The following RBMS1 variants were observed in gnomAD, a reference collection of about 807,000 sequenced individuals.
RBMS1 encodes the protein RNA binding motif single stranded interacting protein 1.
RBMS1 carries 17 observed loss-of-function variants against 62.3 expected under a neutral mutation model. That is an observed-to-expected ratio of 0.27 (90% confidence interval 0.19 to 0.41). The LOEUF (loss-of-function observed/expected upper bound fraction) is 0.41, where lower values mean the gene tolerates loss of function less well. Ranked by LOEUF, RBMS1 falls within the 10% of genes least tolerant of loss-of-function variation. RBMS1 has a pLI of 1.00. For synonymous variants in RBMS1, 172 were observed against 170.0 expected (o/e 1.01, Z -0.09); for missense variants, 334 against 504.5 (o/e 0.66, Z 3.24).
At chr2:160,382,793 T>C (rs912515243) in intron 1 of RBMS1, among the ~76,000 whole-genome samples, 1 of 152,216 alleles carries the variant, frequency 6.6e-6, no homozygotes, top group African/African-American at 2.4e-5. Context: ...GATAAAATTC[T>C]TTCAGAAGAA....
chr2:160,411,394 G>C (rs1015441926), intron 1 of RBMS1, among the ~76,000 whole-genome samples: 3 of 152,290 alleles, frequency 2.0e-5, no homozygotes. Context: ...TACTGGCAGC[G>C]GGCAGAGAGT....
intron 1 of RBMS1, among the ~76,000 whole-genome samples, chr2:160,430,718 C>A (rs1207313070): frequency 6.6e-6 from 1 of 152,146 alleles, no homozygotes; most frequent in Non-Finnish European, 1.5e-5. Flanking sequence ...ATGCACACCT[C>A]TAGCTGTGTT....
chr2:160,452,445 T>C (rs1341463257), intron 1 of RBMS1, among the ~76,000 whole-genome samples: 1 of 152,234 alleles, frequency 6.6e-6, no homozygotes. Flanking sequence ...AAATGATCTC[T>C]TAATTACTTA....
At chr2:160,331,931 CTGTGT>C (rs1215233050) in intron 2 of RBMS1, among the ~76,000 whole-genome samples, 3 of 152,124 alleles carry the variant, frequency 2.0e-5, no homozygotes, top group Non-Finnish European at 4.4e-5. Context: ...ATGATCACCA[CTGTGT>C]CAGCAGAAAA....
intron 1 of RBMS1, among the ~76,000 whole-genome samples, chr2:160,372,120 T>C (rs537965836): frequency 1.3e-5 from 2 of 152,310 alleles, no homozygotes; most frequent in African/African-American, 4.8e-5. Context: ...ATTTCCTTCC[T>C]ATTACTAATA....
At chr2:160,458,296 G>A (rs1253321071) in intron 1 of RBMS1, among the ~76,000 whole-genome samples, 1 of 152,116 alleles carries the variant, frequency 6.6e-6, no homozygotes, top group East Asian at 1.9e-4. Flanking sequence ...AACAGATCCA[G>A]AAACTTGCCA....
intron 4 of RBMS1, 21 bp from the exon 5 acceptor site, chr2:160,303,508 G>T (rs762629874): frequency 1.3e-6 from 2 of 1,583,318 alleles, no homozygotes; most frequent in African/African-American, 2.7e-5. Context: ...AGAGAGTGTT[G>T]TCCATTAATT....
At chr2:160,469,450 G>A (rs1293870816) in intron 1 of RBMS1, among the ~76,000 whole-genome samples, 1 of 152,160 alleles carries the variant, frequency 6.6e-6, no homozygotes, top group Non-Finnish European at 1.5e-5. Flanking sequence ...ACTCGGGGCT[G>A]CAGGGCCTTG....
intron 3 of RBMS1, among the ~76,000 whole-genome samples, chr2:160,315,059 G>A (rs536625212): frequency 6.6e-6 from 1 of 152,294 alleles, no homozygotes; most frequent in South Asian, 2.1e-4. Context: ...ACAGTAAACA[G>A]AAGATCTCAA....
In RBMS1 at chr2:160,448,278, ACTCCCCCTCCCC is replaced by A. The variant is rs899534642; in HGVS notation, c.75+44999_75+45010del. 6.1e-5 allele frequency among the ~76,000 whole-genome samples: 9 copies of A among 146,398 alleles called. No individual in the cohort carries two copies. The South Asian group carries it at 6.6e-4, about 11-fold the overall frequency. Reference sequence around the variant, plus strand: ...CTACTTGGGGATTTGAAAACCATTAACTCCCCCTCCCCCTCCCCCTCCCCCTCTCCCGTCTCC... The same window carrying A: ...CTACTTGGGGATTTGAAAACCATTAACTCCCCCTCCCCCTCTCCCGTCTCC... On this transcript the variant is annotated intron_variant, in intron 1 of 13. Transcript: ENST00000348849.
intron 2 of RBMS1, among the ~76,000 whole-genome samples, chr2:160,363,718 G>A (rs911934730): frequency 6.6e-6 from 1 of 152,170 alleles, no homozygotes; most frequent in Non-Finnish European, 1.5e-5. Context: ...AGTGTTGAGA[G>A]AAAGGATATT....
chr2:160,436,174 G>C (rs1266389643), intron 1 of RBMS1, among the ~76,000 whole-genome samples: 1 of 152,162 alleles, frequency 6.6e-6, no homozygotes, highest in Non-Finnish European at 1.5e-5. Flanking sequence ...AATCTACCTC[G>C]TCTCTGCTCG....
chr2:160,324,060 A>G (rs1441024392), intron 2 of RBMS1, among the ~76,000 whole-genome samples: 1 of 152,222 alleles, frequency 6.6e-6, no homozygotes, highest in African/African-American at 2.4e-5. Flanking sequence ...AGTTACTCCT[A>G]AATTCTACCT....
intron 6 of RBMS1, among the ~76,000 whole-genome samples, chr2:160,291,690 T>A (rs1471057411): frequency 6.6e-6 from 1 of 152,200 alleles, no homozygotes; most frequent in African/African-American, 2.4e-5. Flanking sequence ...GTAACATTTG[T>A]AATATCGTCA....
At position 160,313,194 on chromosome 2, in the gene RBMS1, C is replaced by T; in HGVS notation, c.364G>A (p.Ala122Thr). The T allele has an allele frequency of 6.2e-7, 1 of 1,613,580 alleles. No individual in the cohort carries two copies. ...GCTTGAACCCCACTGGCCTTCAGGGCAGACACAGCTTTTTGAGCTGCTGCA... is the reference window on the plus strand; with the variant it reads ...GCTTGAACCCCACTGGCCTTCAGGGTAGACACAGCTTTTTGAGCTGCTGCA... ...SPAAAQKAVSALKASGVQAQM... is the reference protein window; with the variant it reads ...SPAAAQKAVSTLKASGVQAQM... Residue 122 changes from alanine to threonine, a missense_variant, in exon 4 of 14, where the codon GCC becomes ACC. Around this residue, in one of 3 missense-constraint regions of RBMS1, gnomAD observed 150 missense variants for 228.0 expected, o/e 0.66. Coordinates refer to ENST00000348849, the MANE Select transcript of RBMS1 (RefSeq NM_016836.4).
At chr2:160,345,289 G>A (rs1040578165) in intron 2 of RBMS1, among the ~76,000 whole-genome samples, 16 of 152,072 alleles carry the variant, frequency 1.1e-4, no homozygotes, top group Non-Finnish European at 1.8e-4. Flanking sequence ...ATAGAGAGCA[G>A]CTGAAAATAA....
At chr2:160,424,989 TAAA>T (rs573354732) in intron 1 of RBMS1, among the ~76,000 whole-genome samples, 2 of 147,236 alleles carry the variant, frequency 1.4e-5, no homozygotes, top group African/African-American at 5.0e-5. Flanking sequence ...TCTGAAGGAT[TAAA>T]AAAAAAAAGT....
At chr2:160,298,768 C>T (rs1165044552) in intron 6 of RBMS1, among the ~76,000 whole-genome samples, 1 of 152,164 alleles carries the variant, frequency 6.6e-6, no homozygotes, top group Non-Finnish European at 1.5e-5. Context: ...TGTGATCTTA[C>T]TTAGAGACAA....
At position 160,442,254 on chromosome 2, in the gene RBMS1, T is replaced by C. The variant is rs980647360; in HGVS notation, c.75+51035A>G. Among the ~76,000 whole-genome samples, 6 of 152,244 alleles carry C rather than the reference T, an allele frequency of 3.9e-5. No homozygotes were observed. The South Asian group carries it at 8.3e-4, about 21-fold the overall frequency. ...GAGATCACAATGACACTTCCATGTCTTCTTCCAGAAGATTTACAGTTCCAA... is the reference window on the plus strand; with the variant it reads ...GAGATCACAATGACACTTCCATGTCCTCTTCCAGAAGATTTACAGTTCCAA... On this transcript the variant is annotated intron_variant, in intron 1 of 13. Transcript: ENST00000348849.
Sources: allele counts gnomAD v4.1 joint callset (sites outside exome capture counted in the v4.1 genomes callset), GRCh38; gene constraint gnomAD v4.1.1; regional missense constraint gnomAD v4.1.1; transcripts MANE v1.5; gene names NCBI Gene and HGNC (gene_info 2026-07-23, HGNC 2026-07-21).